Variants in FRG1 observed in about 807,000 individuals in gnomAD.
FRG1 encodes protein FRG1.
FRG1 carries 19 observed loss-of-function variants against 37.0 expected under a neutral mutation model. The observed-to-expected ratio is 0.51, with a 90% CI of 0.36 to 0.75. The LOEUF is 0.75. Ranked by LOEUF, FRG1 falls within the 30% of genes least tolerant of loss-of-function variation. FRG1 has a pLI of 0.00. For synonymous variants in FRG1, 73 were observed against 96.5 expected (o/e 0.76, Z 1.43); for missense variants, 243 against 301.4 (o/e 0.81, Z 1.44).
In FRG1 at chr4:189,943,258, A is replaced by T. The variant is rs143770985; in HGVS notation, c.119A>T (p.Gln40Leu). The T allele has an allele frequency of 4.4e-6, 7 of 1,609,006 alleles. No individual in the cohort carries two copies. In the South Asian group the frequency reaches 4.5e-5, roughly 10 times the overall value. ...AAAAGAGAAGAAGATGAAGAAACCC[A>T]GCTTGATATTGTTGGTGAGTCAGTT... Reference protein sequence around the residue: ...KRKREEDEETQLDIVGIWWTV... With the variant: ...KRKREEDEETLLDIVGIWWTV... The change falls in exon 2 of 9, where the codon CAG becomes CTG. Residue 40 changes from glutamine (Q) to leucine (L), a missense_variant. Physicochemically the swap from Gln to Leu is moderately radical, Grantham distance 113 (BLOSUM62 -2). Transcript: ENST00000226798.
At chr4:189,962,578 A>T (rs1737283562) in intron 8 of FRG1, among the ~76,000 whole-genome samples, 1 of 152,164 alleles carries the variant, frequency 6.6e-6, no homozygotes, top group African/African-American at 2.4e-5. Flanking sequence ...ACATTACTTG[A>T]TAAAGGCAAT....
chr4:189,955,582 T>C (rs1434373332), intron 5 of FRG1, among the ~76,000 whole-genome samples: 2 of 152,152 alleles, frequency 1.3e-5, no homozygotes, highest in Non-Finnish European at 2.9e-5. Context: ...TTGAAGTAAA[T>C]TATCTCTAAA....
chr4:189,942,944 A>G (rs1290911528), intron 1 of FRG1, among the ~76,000 whole-genome samples: 2 of 152,216 alleles, frequency 1.3e-5, no homozygotes, highest in East Asian at 3.9e-4. Context: ...TCCAAAAATC[A>G]CGGAGCTAAG....
intron 7 of FRG1, 43 bp from the exon 8 acceptor site, chr4:189,961,779 T>A (rs1389355896): frequency 1.3e-6 from 1 of 788,024 alleles, no homozygotes; most frequent in South Asian, 1.6e-5. Context: ...ATATGTATAA[T>A]CAGAGTTTGA....
In FRG1 at chr4:189,962,826, C is replaced by T. The variant is rs550747251; in HGVS notation, c.741-267C>T. ...CACCCTGTTAAATGGAAATTTAGAG[C>T]AGCCTTAAATTCCGGAATAATTAAA... On this transcript the variant is annotated intron_variant, in intron 8 of 8. Transcript: ENST00000226798. 2.6e-3 allele frequency among the ~76,000 whole-genome samples: 389 copies of T among 152,268 alleles called. 1 individual carries two copies. Among genetic ancestry groups the T allele is most frequent in the Non-Finnish European group, 4.6e-3 (311 of 68,008 alleles).
intron 2 of FRG1, among the ~76,000 whole-genome samples, chr4:189,950,919 CTTTATT>C: frequency 6.6e-6 from 1 of 151,956 alleles, no homozygotes; most frequent in African/African-American, 2.4e-5. Flanking sequence ...CTGTTTTGTT[CTTTATT>C]TTTATATATT....
At chr4:189,949,520 AT>A (rs1411597792) in intron 2 of FRG1, among the ~76,000 whole-genome samples, 4 of 152,214 alleles carry the variant, frequency 2.6e-5, no homozygotes, top group Non-Finnish European at 2.9e-5. Context: ...GAGTGTGAAA[AT>A]TTTAAGGAGC....
chr4:189,955,009 A>T, intron 4 of FRG1, 28 bp from the exon 5 acceptor site: 1 of 1,395,096 alleles, frequency 7.2e-7, no homozygotes, highest in Non-Finnish European at 1.0e-6. Context: ...CTCAGTCTTT[A>T]ACTTTTATCT....
rs763802708 is a variant in FRG1 at position 189,940,980 on chromosome 4, A to G, written c.-30A>G. 1.1e-5 allele frequency: 18 copies of G among 1,600,158 alleles called. No individual in the cohort carries two copies. Among genetic ancestry groups the G allele is most frequent in the Admixed American group, 1.7e-5 (1 of 59,920 alleles). ...CACATACTCGTCCAGAACCGGCCTC[A>G]GCCTCTCCGCGCAGAAGTTTCCCGG... On this transcript the variant is annotated 5_prime_UTR_variant, in exon 1 of 9. Transcript: ENST00000226798.
chr4:189,940,929 C>G lies in FRG1; in HGVS notation c.-81C>G, dbSNP rs2411528. 42,893 of 1,118,840 alleles carry G rather than the reference C, an allele frequency of 0.038. 6,859 individuals are homozygous for G. The African/African-American group carries it at 0.44, about 11-fold the overall frequency. 69.3% of individuals were successfully genotyped at this position (1,118,840 alleles called of 1,614,324 possible). A position where few individuals can be genotyped will look rare whatever the true frequency, so the allele number is the denominator to read the frequency against. ...GTTTATTTCGCGTCCGCTTCTGTTT[C>G]TCCGCGCCCCTGTGCTGCCCCGACT... On this transcript the variant is annotated 5_prime_UTR_variant, in exon 1 of 9. Coordinates refer to ENST00000226798, the MANE Select transcript of FRG1 (RefSeq NM_004477.3).
intron 6 of FRG1, among the ~76,000 whole-genome samples, chr4:189,959,107 A>G (rs1166091315): frequency 6.6e-6 from 1 of 152,200 alleles, no homozygotes; most frequent in Non-Finnish European, 1.5e-5. Flanking sequence ...TACCAGTGCA[A>G]TTTAAAAGCA....
rs143644446 is a variant in FRG1 at position 189,953,739 on chromosome 4, G to A, written c.317+614G>A. Among the ~76,000 whole-genome samples, 104 of 151,464 alleles carry A rather than the reference G, an allele frequency of 6.9e-4. No individual in the cohort carries two copies. The East Asian group carries it at 0.012, about 17-fold the overall frequency. ...AATTCTGGCATCCCAGGAGATTCTC[G>A]GTAAGGTAAAAGATTAGAAATCATA... On this transcript the variant is annotated intron_variant, in intron 4 of 8. Transcript: ENST00000226798.
In FRG1 at chr4:189,957,462, A is replaced by C; in HGVS notation, c.497A>C (p.Glu166Ala). ...FIRCNEAGDI[E>A]AKSKTAGEEE... ...AGATGCAATGAAGCAGGGGACATAG[A>C]AGCAAAAAGTAAAACAGCAGGAGAA... The change falls in exon 6 of 9, where the codon GAA (glutamate) becomes GCA (alanine). Residue 166 changes from glutamate (E) to alanine (A), a missense_variant. Transcript: ENST00000226798. 6.2e-7 allele frequency: 1 copy of C among 1,612,668 alleles called. No homozygotes were observed. Among genetic ancestry groups the C allele is most frequent in the Non-Finnish European group, 8.5e-7 (1 of 1,179,124 alleles).
At chr4:189,943,429 C>T (rs1349689530) in intron 2 of FRG1, among the ~76,000 whole-genome samples, 157 bp downstream of exon 2, 1 of 152,172 alleles carries the variant, frequency 6.6e-6, no homozygotes, top group African/African-American at 2.4e-5. Context: ...TTCTTTAACA[C>T]AGTAGATGCT....
Position 189,953,272 on chromosome 4 carries a change from C to G in FRG1, c.317+147C>G, listed in dbSNP as rs556127185. On this transcript the variant is annotated intron_variant, in intron 4 of 8. Coordinates refer to ENST00000226798, the MANE Select transcript of FRG1 (RefSeq NM_004477.3). ...TTTTTTGAAAAGTAGATTTTGTGAT[C>G]TACTTTTAATGGATTTCCTATCAAT... is the stretch of plus-strand genomic sequence containing the variant. The G allele has an allele frequency of 7.3e-5, 95 of 1,302,056 alleles. 2 individuals carry two copies. In the South Asian group the frequency reaches 1.8e-3, roughly 25 times the overall value. 80.7% of individuals were successfully genotyped at this position (1,302,056 alleles called of 1,614,324 possible). A position where few individuals can be genotyped will look rare whatever the true frequency, so the allele number is the denominator to read the frequency against.
intron 6 of FRG1, among the ~76,000 whole-genome samples, chr4:189,959,426 A>G (rs976541967): frequency 6.6e-6 from 1 of 152,300 alleles, no homozygotes; most frequent in African/African-American, 2.4e-5. Flanking sequence ...CATGGAAATC[A>G]CAGTGATTTC....
Position 189,960,832 on chromosome 4 carries a change from A to C in FRG1, c.622A>C (p.Asn208His). Residue 208 changes from asparagine to histidine, a missense_variant, in exon 7 of 9, where the codon AAT becomes CAT. Coordinates refer to ENST00000226798, the MANE Select transcript of FRG1 (RefSeq NM_004477.3). ...DKGNVKQCEI[N>H]YVKKFQSFQD... Reference sequence around the variant, plus strand: ...AGGAAATGTAAAACAATGTGAAATCAATTATGTGTATGTATTCTTTTCCTT... The same window carrying C: ...AGGAAATGTAAAACAATGTGAAATCCATTATGTGTATGTATTCTTTTCCTT... 6.2e-7 allele frequency: 1 copy of C among 1,605,094 alleles called. No homozygotes were observed. Among genetic ancestry groups the C allele is most frequent in the Non-Finnish European group, 8.5e-7 (1 of 1,178,042 alleles).
intron 2 of FRG1, among the ~76,000 whole-genome samples, chr4:189,944,180 G>A (rs1736430554): frequency 6.6e-6 from 1 of 151,988 alleles, no homozygotes; most frequent in African/African-American, 2.4e-5. Flanking sequence ...GTTTTTGGAT[G>A]AGCAGCTTTT....
chr4:189,955,007 T>G, intron 4 of FRG1, 30 bp from the exon 5 acceptor site: 1 of 1,388,762 alleles, frequency 7.2e-7, no homozygotes, highest in Non-Finnish European at 1.0e-6. Flanking sequence ...CTCTCAGTCT[T>G]TAACTTTTAT....
Sources: gnomAD v4.1 joint callset for allele counts (sites outside exome capture counted in the v4.1 genomes callset) on GRCh38, gnomAD v4.1.1 for gene constraint, MANE v1.5 for transcripts, NCBI Gene and HGNC (gene_info 2026-07-23, HGNC 2026-07-21) for gene names.